The following REPS2 variants were observed in gnomAD, a reference collection of about 807,000 sequenced individuals.
The protein encoded by REPS2 is ralBP1-associated Eps domain-containing protein 2.
REPS2 carries 23 observed loss-of-function variants against 53.6 expected under a neutral mutation model. The observed-to-expected ratio is 0.43, with a 90% CI of 0.31 to 0.61. REPS2 has a LOEUF of 0.61. REPS2 is among the 20% of genes least tolerant of loss of function. The probability of loss-of-function intolerance (pLI) is 0.11; values close to 1 mark genes in which losing one functional copy is unlikely to be tolerated. For missense variants in REPS2, 446 were observed against 534.9 expected (o/e 0.83, Z 1.64); for synonymous variants, 238 against 218.6 (o/e 1.09, Z -0.78).
chrX:17,119,822 A>C (rs1242068330), intron 14 of REPS2, among the ~76,000 whole-genome samples: 1 of 107,010 alleles, frequency 9.3e-6, no homozygotes, highest in Non-Finnish European at 1.9e-5. Context: ...TTTCTGAGCA[A>C]TGGAATCCTC....
At chrX:17,084,538 T>C (rs2062505586) in intron 13 of REPS2, among the ~76,000 whole-genome samples, 1 of 112,435 alleles carries the variant, frequency 8.9e-6, no homozygotes, top group South Asian at 3.6e-4. Context: ...AGGATTCCAA[T>C]TGTGTTTCTT....
At chrX:16,974,626 C>T (rs2060933693) in intron 1 of REPS2, among the ~76,000 whole-genome samples, 2 of 110,337 alleles carry the variant, frequency 1.8e-5, no homozygotes, top group Admixed American at 1.9e-4. Context: ...GCCTGGGCGA[C>T]AGAGCTAGAT....
chrX:17,180,025 ACTC>A, the REPS2 span, among the ~76,000 whole-genome samples: 1 of 111,329 alleles, frequency 9.0e-6, no homozygotes, highest in Non-Finnish European at 1.9e-5. Flanking sequence ...ACAGCAATTA[ACTC>A]CCTCTGTACA....
intron 12 of REPS2, among the ~76,000 whole-genome samples, chrX:17,075,563 A>G (rs2062369218): frequency 8.9e-6 from 1 of 111,965 alleles, no homozygotes; most frequent in Non-Finnish European, 1.9e-5. Flanking sequence ...GGAAAGAGGG[A>G]AAATCACCAT....
intron 1 of REPS2, among the ~76,000 whole-genome samples, chrX:16,977,547 C>T (rs765305178): frequency 9.2e-6 from 1 of 109,048 alleles, no homozygotes; most frequent in Admixed American, 9.9e-5. Context: ...ACCCCCATCT[C>T]TAAAAAATTT....
intron 1 of REPS2, chrX:16,978,726 G>A (rs1293098371): frequency 6.4e-6 from 1 of 156,248 alleles, no homozygotes; most frequent in Non-Finnish European, 1.1e-5. Context: ...TTTTCTTAAT[G>A]TCAGCATCTG....
Position 17,118,938 on chromosome X carries a change from C to T in REPS2, c.1579-14886C>T, listed in dbSNP as rs1318551251. On this transcript the variant is annotated intron_variant, in intron 14 of 17. Transcript: ENST00000357277. Reference sequence around the variant, plus strand: ...TTTGCATAATAAATAATTATTTATGCATTTCAAAATTGATTTTAAGAGTAC... The same window carrying T: ...TTTGCATAATAAATAATTATTTATGTATTTCAAAATTGATTTTAAGAGTAC... Among the ~76,000 whole-genome samples, 3 of 112,286 alleles carry T rather than the reference C, an allele frequency of 2.7e-5. No individual in the cohort carries two copies. The East Asian group carries it at 8.3e-4, about 31-fold the overall frequency.
chrX:17,156,895 A>G (rs2063618681), downstream of REPS2, among the ~76,000 whole-genome samples: 1 of 111,873 alleles, frequency 8.9e-6, no homozygotes. Context: ...AAGTTCTGAG[A>G]GGCAGAGGTA....
intron 1 of REPS2, among the ~76,000 whole-genome samples, chrX:16,970,316 C>T (rs1243052059): frequency 9.1e-6 from 1 of 110,452 alleles, no homozygotes; most frequent in African/African-American, 3.3e-5. Context: ...CCTGTCTCAG[C>T]CTCCTGAGTA....
intron 6 of REPS2, 86 bp from the exon 7 acceptor site, chrX:17,052,296 A>G (rs2062013645): frequency 1.5e-5 from 12 of 780,156 alleles, no homozygotes; most frequent in Non-Finnish European, 2.2e-5. Flanking sequence ...TTGCTGAATG[A>G]AAAAATTGTG....
chrX:17,002,416 C>T (rs867006380), intron 1 of REPS2, among the ~76,000 whole-genome samples: 8 of 111,807 alleles, frequency 7.2e-5, no homozygotes, highest in African/African-American at 2.6e-4. Context: ...TGTCTGCCCT[C>T]TCTTTAGCAG....
chrX:17,033,934 C>T (rs1392097990), intron 5 of REPS2, among the ~76,000 whole-genome samples: 2 of 112,094 alleles, frequency 1.8e-5, no homozygotes, highest in Non-Finnish European at 3.8e-5. Context: ...GTGTTCTCTG[C>T]GTGGGAGCCT....
intron 14 of REPS2, among the ~76,000 whole-genome samples, chrX:17,112,014 G>T (rs1445482368): frequency 9.1e-6 from 1 of 110,415 alleles, no homozygotes; most frequent in Non-Finnish European, 1.9e-5. Context: ...TGTTGTCCAG[G>T]CTGGAGTGCA....
chrX:17,127,189 G>A (rs1397946371), intron 14 of REPS2, among the ~76,000 whole-genome samples: 1 of 111,974 alleles, frequency 8.9e-6, no homozygotes, highest in Admixed American at 9.5e-5. Context: ...AAGTCAGCCC[G>A]AACCCATTCC....
intron 1 of REPS2, among the ~76,000 whole-genome samples, chrX:17,000,818 C>G (rs1392841264): frequency 9.0e-6 from 1 of 111,452 alleles, no homozygotes; most frequent in Non-Finnish European, 1.9e-5. Flanking sequence ...GAATAGTGTT[C>G]CCTTTCATCA....
chrX:17,168,066 A>G, the REPS2 span, among the ~76,000 whole-genome samples: 3 of 112,045 alleles, frequency 2.7e-5, no homozygotes, highest in African/African-American at 9.8e-5. Flanking sequence ...GGATAGTTCC[A>G]GGCAAACTTG....
the REPS2 span, among the ~76,000 whole-genome samples, chrX:17,167,209 T>A: frequency 1.8e-5 from 2 of 112,100 alleles, no homozygotes; most frequent in Admixed American, 1.9e-4. Flanking sequence ...AAGAAGGAAC[T>A]ATGCCACAAT....
intron 11 of REPS2, 77 bp from the exon 12 acceptor site, chrX:17,074,037 G>A (rs1468914498): frequency 4.3e-6 from 4 of 920,195 alleles, no homozygotes; most frequent in South Asian, 4.3e-5. Flanking sequence ...CTGTTGATGT[G>A]TTCTGTACTA....
chrX:17,142,715 G>A (rs182651908), intron 17 of REPS2, among the ~76,000 whole-genome samples: 5 of 111,960 alleles, frequency 4.5e-5, no homozygotes, highest in African/African-American at 1.3e-4. Flanking sequence ...CCAAGTGCTG[G>A]CAATTAGAAC....
Sources: gnomAD v4.1 joint callset for allele counts (sites outside exome capture counted in the v4.1 genomes callset) on GRCh38, gnomAD v4.1.1 for gene constraint, MANE v1.5 for transcripts, NCBI Gene and HGNC (gene_info 2026-07-23, HGNC 2026-07-21) for gene names.